Variants in SMARCE1 observed in about 807,000 individuals in gnomAD.
SMARCE1 encodes SWI/SNF related BAF chromatin remodeling complex subunit E1.
In SMARCE1, 13 loss-of-function variants were observed where a neutral mutation model predicts 54.9. That is an observed-to-expected ratio of 0.24 (90% CI 0.15 to 0.38). The LOEUF (loss-of-function observed/expected upper bound fraction) is 0.38. Ranked by LOEUF, SMARCE1 falls within the 10% of genes least tolerant of loss-of-function variation. The pLI is 1.00. For missense variants in SMARCE1, 295 were observed against 523.8 expected (o/e 0.56, Z 4.26); for synonymous variants, 151 against 175.3 (o/e 0.86, Z 1.10).
In SMARCE1 at chr17:40,626,344, C is replaced by T. The variant is rs2037034395; in HGVS notation, c.*2441G>A. ...TACTCAAAATAAATGCACTAAAAAT[C>T]AAGGAGCAGTAAGGGCACCAAGAAA... On this transcript the variant is annotated 3_prime_UTR_variant, in exon 11 of 11. Transcript: ENST00000348513. 1 of 152,102 alleles carries T rather than the reference C, an allele frequency of 6.6e-6. No individual in the cohort carries two copies. The highest frequency in any genetic ancestry group is 6.5e-5 in the Admixed American group (1 of 15,274). The allele number at this position is 152,102 out of a possible 1,614,324, so 9.4% of individuals were successfully genotyped here. A position where few individuals can be genotyped will look rare whatever the true frequency, so the allele number is the denominator to read the frequency against.
intron 6 of SMARCE1, 50 bp from the exon 7 acceptor site, chr17:40,636,152 A>C: frequency 7.0e-7 from 1 of 1,431,064 alleles, no homozygotes; most frequent in Non-Finnish European, 9.7e-7. Flanking sequence ...TGCAGGTTAT[A>C]ATGCAGACCT....
chr17:40,630,082 C>T, intron 10 of SMARCE1: 1 of 568,634 alleles, frequency 1.8e-6, no homozygotes, highest in Non-Finnish European at 3.1e-6. Context: ...CCTGTTTACA[C>T]AGTGTACTAG....
intron 1 of SMARCE1, among the ~76,000 whole-genome samples, chr17:40,646,333 T>C (rs774310673): frequency 3.9e-5 from 6 of 152,340 alleles, no homozygotes; most frequent in Admixed American, 1.3e-4. Context: ...GGTATGACAA[T>C]GAACTTCACA....
At chr17:40,631,393 T>C (rs2037094164) in intron 9 of SMARCE1, 199 bp downstream of exon 9, 1 of 530,164 alleles carries the variant, frequency 1.9e-6, no homozygotes, top group Non-Finnish European at 3.3e-6. Context: ...GTATACTCTA[T>C]GATATTTCAA....
chr17:40,634,813 T>C (rs965587493), intron 7 of SMARCE1: 2 of 152,146 alleles, frequency 1.3e-5, no homozygotes, highest in Non-Finnish European at 2.9e-5. Context: ...GTAGACTGGA[T>C]TGTCTTCTGA....
At chr17:40,629,088 C>A in intron 10 of SMARCE1, 95 bp from the exon 11 acceptor site, 1 of 992,294 alleles carries the variant, frequency 1.0e-6, no homozygotes. Flanking sequence ...ATAGAAGCCA[C>A]TAGCCACATG....
intron 4 of SMARCE1, among the ~76,000 whole-genome samples, chr17:40,638,821 C>T (rs918080641): frequency 1.1e-4 from 16 of 152,108 alleles, no homozygotes; most frequent in Admixed American, 1.3e-4. Context: ...GTTCGCTTCC[C>T]CTTCTGTTGT....
In SMARCE1 at chr17:40,628,786, T is replaced by TAAA. The variant is rs2143980165; in HGVS notation, c.1234_1235insTTT (p.Glu411_Ter412insPhe). Reference sequence around the variant, plus strand: ...AGAACACACAAAACAAGGCAACACTTATTCTTTTTTCTCATCTTCTGGTAT... The same window carrying TAAA: ...AGAACACACAAAACAAGGCAACACTTAAAATTCTTTTTTCTCATCTTCTGGTAT... On this transcript the variant is annotated inframe_insertion, in exon 11 of 11. Coordinates refer to ENST00000348513, the MANE Select transcript of SMARCE1 (RefSeq NM_003079.5). 6.2e-7 allele frequency: 1 copy of TAAA among 1,610,452 alleles called. No individual in the cohort carries two copies. The highest frequency in any genetic ancestry group is 8.5e-7 in the Non-Finnish European group (1 of 1,176,886).
Position 40,635,950 on chromosome 17 carries a change from C to T in SMARCE1, c.522G>A (p.Gln174=), listed in dbSNP as rs761026520. The T allele has an allele frequency of 3.1e-6, 5 of 1,587,414 alleles. No individual in the cohort carries two copies. Among genetic ancestry groups the T allele is most frequent in the South Asian group, 1.2e-5 (1 of 84,602 alleles). ...MEKGEPYMSI[Q]PAEDPDDYDD... ...TTTTACCATCTGGATCTTCAGCAGG[C>T]TGAATGCTCATGTACGGTTCTCCTT... is the stretch of plus-strand genomic sequence containing the variant. Residue 174 remains glutamine, a synonymous_variant, in exon 7 of 11, where the codon CAG becomes CAA. Transcript: ENST00000348513.
chr17:40,626,648 G>T lies in SMARCE1; in HGVS notation c.*2137C>A, dbSNP rs1048424679. ...GCACTTTGGGAGACTGAGGCAGGCG[G>T]ATCACCTGAGGTCACGAGTTCAAGA... is the stretch of plus-strand genomic sequence containing the variant. On this transcript the variant is annotated 3_prime_UTR_variant, in exon 11 of 11. Transcript: ENST00000348513. 2.6e-5 allele frequency: 4 copies of T among 152,238 alleles called. No individual in the cohort carries two copies. The highest frequency in any genetic ancestry group is 9.7e-5 in the African/African-American group (4 of 41,414). 9.4% of individuals were successfully genotyped at this position (152,238 alleles called of 1,614,324 possible).
chr17:40,645,456 C>A (rs1468153223), intron 3 of SMARCE1, 120 bp downstream of exon 3: 1 of 502,090 alleles, frequency 2.0e-6, no homozygotes, highest in Non-Finnish European at 3.4e-6. Flanking sequence ...TTTTTTTTTT[C>A]TTTTAAGCTG....
At chr17:40,647,673 GGC>G (rs1342745289) in intron 1 of SMARCE1, 98 bp downstream of exon 1, 1 of 152,874 alleles carries the variant, frequency 6.5e-6, no homozygotes, top group Non-Finnish European at 1.5e-5. Flanking sequence ...CCACGGCCAA[GGC>G]TGAACCCCAG....
In SMARCE1 at chr17:40,642,403, T is replaced by C. The variant is rs966002287; in HGVS notation, c.156+52A>G. The C allele has an allele frequency of 8.7e-7, 1 of 1,145,074 alleles. No individual in the cohort carries two copies. The highest frequency in any genetic ancestry group is 1.5e-5 in the African/African-American group (1 of 65,700). 70.9% of individuals were successfully genotyped at this position (1,145,074 alleles called of 1,614,324 possible). Reference sequence around the variant, plus strand: ...CAAAAAGACCTAATTCTGAAGGCATTTCTGGTCAATTCCAGTTGTTTGCCG... The same window carrying C: ...CAAAAAGACCTAATTCTGAAGGCATCTCTGGTCAATTCCAGTTGTTTGCCG... On this transcript the variant is annotated intron_variant, in intron 4 of 10. Transcript: ENST00000348513. This position sits in a 1 kb window ranked among gnomAD's most constrained non-coding sequence, Gnocchi z 4.6.
intron 9 of SMARCE1, 98 bp downstream of exon 9, chr17:40,631,494 A>G: frequency 1.5e-6 from 1 of 666,606 alleles, no homozygotes; most frequent in Non-Finnish European, 2.6e-6. Context: ...TTCAAAGTGA[A>G]CAACATTCAA....
intron 8 of SMARCE1, 130 bp downstream of exon 8, chr17:40,632,065 T>G: frequency 1.4e-6 from 1 of 735,772 alleles, no homozygotes; most frequent in Non-Finnish European, 2.2e-6. Context: ...TCCTTAAACC[T>G]CTTCTCCAAA....
At chr17:40,638,851 A>C (rs771543872) in intron 4 of SMARCE1, among the ~76,000 whole-genome samples, 19 of 152,108 alleles carry the variant, frequency 1.2e-4, no homozygotes, top group Non-Finnish European at 2.1e-4. Flanking sequence ...AAAACCCCAG[A>C]GATACTCCTC....
At chr17:40,639,960 T>C (rs1021520431) in intron 4 of SMARCE1, 1 of 152,214 alleles carries the variant, frequency 6.6e-6, no homozygotes, top group Non-Finnish European at 1.5e-5. Context: ...TTTCTTTCCT[T>C]GCTACTATCA....
chr17:40,634,425 G>A (rs186372887), intron 7 of SMARCE1: 8 of 152,390 alleles, frequency 5.2e-5, no homozygotes, highest in East Asian at 1.9e-4. Flanking sequence ...GAGCCATGGC[G>A]CCTGGCAATG....
intron 1 of SMARCE1, among the ~76,000 whole-genome samples, chr17:40,646,257 T>C (rs145964962): frequency 2.6e-3 from 395 of 152,330 alleles, no homozygotes; most frequent in African/African-American, 9.1e-3. Flanking sequence ...TATCATGCTT[T>C]TGGGATAACA....
Sources: gnomAD v4.1 joint callset for allele counts (sites outside exome capture counted in the v4.1 genomes callset) on GRCh38, gnomAD v4.1.1 for gene constraint, Gnocchi (gnomAD v3.1) non-coding constraint, MANE v1.5 for transcripts, NCBI Gene and HGNC (gene_info 2026-07-23, HGNC 2026-07-21) for gene names.